DLG1: variants seen among roughly 807,000 people sequenced by gnomAD.
DLG1 encodes disks large homolog 1.
A neutral mutation model predicts 123.4 loss-of-function variants in DLG1; 42 were observed. That is an observed-to-expected ratio of 0.34 (90% CI 0.27 to 0.44). The LOEUF is 0.44. Ranked by LOEUF, DLG1 falls within the 20% of genes least tolerant of loss-of-function variation. The pLI is 1.00. For missense variants in DLG1, 942 were observed against 1,082.6 expected (o/e 0.87, Z 1.82); for synonymous variants, 317 against 356.2 (o/e 0.89, Z 1.24).
chr3:197,284,543 G>A (rs1468738523), intron 3 of DLG1, among the ~76,000 whole-genome samples: 3 of 151,960 alleles, frequency 2.0e-5, no homozygotes, highest in Non-Finnish European at 4.4e-5. Context: ...AGCACAGAGG[G>A]GTAGTCAAGA....
intron 5 of DLG1, among the ~76,000 whole-genome samples, chr3:197,157,888 C>T (rs114896684): frequency 1.4e-3 from 206 of 152,228 alleles, no homozygotes; most frequent in Admixed American, 2.9e-3. Flanking sequence ...ATGCCATATA[C>T]AATTATCAAC....
intron 4 of DLG1, among the ~76,000 whole-genome samples, chr3:197,232,826 C>T (rs979580766): frequency 6.6e-6 from 1 of 151,008 alleles, no homozygotes; most frequent in African/African-American, 2.4e-5. Flanking sequence ...AGAAAAAGCA[C>T]GTGACAAAAT....
chr3:197,194,912 G>A (rs1342052365), intron 4 of DLG1, among the ~76,000 whole-genome samples: 1 of 152,052 alleles, frequency 6.6e-6, no homozygotes, highest in Non-Finnish European at 1.5e-5. Flanking sequence ...AAAAGCCAAA[G>A]TTAGGCACCT....
chr3:197,167,135 G>C (rs1169670466), intron 5 of DLG1, among the ~76,000 whole-genome samples: 1 of 151,912 alleles, frequency 6.6e-6, no homozygotes, highest in Non-Finnish European at 1.5e-5. Context: ...AACATCCACT[G>C]AATAAAATAG....
intron 5 of DLG1, among the ~76,000 whole-genome samples, chr3:197,189,974 T>C (rs1343064022): frequency 6.6e-6 from 1 of 152,196 alleles, no homozygotes; most frequent in Non-Finnish European, 1.5e-5. Flanking sequence ...TAAGCCTCTA[T>C]AAAATATTTC....
At chr3:197,051,812 T>C in intron 23 of DLG1, 144 bp from the exon 24 acceptor site, 3 of 567,266 alleles carry the variant, frequency 5.3e-6, no homozygotes, top group Non-Finnish European at 9.1e-6. Context: ...AAAACTTGAG[T>C]CATTCTGGTC....
At chr3:197,202,120 G>A (rs1561428997) in intron 4 of DLG1, among the ~76,000 whole-genome samples, 1 of 152,084 alleles carries the variant, frequency 6.6e-6, no homozygotes, top group Non-Finnish European at 1.5e-5. Context: ...TAGCAAACCT[G>A]CACTTGTACC....
intron 15 of DLG1, among the ~76,000 whole-genome samples, chr3:197,088,431 G>A (rs939360689): frequency 5.3e-5 from 8 of 152,154 alleles, no homozygotes; most frequent in Admixed American, 1.3e-4. Flanking sequence ...CTCTACTGGG[G>A]AGAAGGCAAA....
At chr3:197,110,363 C>G (rs966650426) in intron 13 of DLG1, among the ~76,000 whole-genome samples, 1 of 152,148 alleles carries the variant, frequency 6.6e-6, no homozygotes, top group Non-Finnish European at 1.5e-5. Context: ...ATTTCTAACT[C>G]TTTATTGATA....
chr3:197,161,497 T>A (rs1024774263), intron 5 of DLG1: 2 of 470,000 alleles, frequency 4.3e-6, no homozygotes, highest in African/African-American at 4.1e-5. Flanking sequence ...ATCCCAAATG[T>A]TTAAGTCCCT....
chr3:197,138,539 A>T, intron 8 of DLG1, 148 bp from the exon 9 acceptor site: 1 of 318,562 alleles, frequency 3.1e-6, no homozygotes, highest in Non-Finnish European at 5.2e-6. Context: ...AAATGAAGAA[A>T]GTATATCAAA....
rs1763045512 is a variant in DLG1, at chr3:197,269,513, G to T, written c.318+13166C>A. Among the ~76,000 whole-genome samples, 2 of 151,984 alleles carry T rather than the reference G, an allele frequency of 1.3e-5. 1 individual carries two copies. The highest frequency in any genetic ancestry group is 4.1e-4 in the South Asian group (2 of 4,820). On this transcript the variant is annotated intron_variant, in intron 4 of 24. Coordinates refer to ENST00000667157, the MANE Select transcript of DLG1 (RefSeq NM_001366207.1). ...TTATTGCAGTATTTTCCTTTGTCTA[G>T]GTAACAAGTCCAATTGCCAAGAAAG...
At chr3:197,146,685 C>A (rs570833853) in intron 6 of DLG1, among the ~76,000 whole-genome samples, 2 of 152,204 alleles carry the variant, frequency 1.3e-5, no homozygotes, top group South Asian at 4.1e-4. Flanking sequence ...AGACCTGAAA[C>A]CATTAAAATT....
intron 11 of DLG1, among the ~76,000 whole-genome samples, chr3:197,124,822 T>C (rs1340910731): frequency 6.6e-6 from 1 of 152,084 alleles, no homozygotes; most frequent in African/African-American, 2.4e-5. Flanking sequence ...AAAGGAGCAG[T>C]GTTAGAGAGG....
chr3:197,242,004 T>C (rs939331654), intron 4 of DLG1, among the ~76,000 whole-genome samples: 2 of 152,030 alleles, frequency 1.3e-5, no homozygotes, highest in African/African-American at 4.8e-5. Flanking sequence ...AGTTCTCCAA[T>C]TAAAAGGCAA....
In DLG1 at chr3:197,283,284, C is replaced by T. The variant is rs187274967; in HGVS notation, c.152-439G>A. On this transcript the variant is annotated intron_variant, in intron 3 of 24. Transcript: ENST00000667157. ...GAATTCTACAGATAGGAGTTATTAC[C>T]GTTCACCACCAATATCTAAGCTGGG... 4.0e-3 allele frequency among the ~76,000 whole-genome samples: 612 copies of T among 152,116 alleles called. 2 individuals carry two copies. Among genetic ancestry groups the T allele is most frequent in the Non-Finnish European group, 5.4e-3 (365 of 67,982 alleles).
At chr3:197,183,883 A>C in intron 5 of DLG1, 1 of 1,489,712 alleles carries the variant, frequency 6.7e-7, no homozygotes, top group Non-Finnish European at 9.0e-7. Context: ...GATCGGTAAA[A>C]ACTGCAGCTA....
intron 4 of DLG1, among the ~76,000 whole-genome samples, chr3:197,280,509 C>G (rs1278820579): frequency 2.0e-5 from 3 of 152,166 alleles, no homozygotes; most frequent in Non-Finnish European, 4.4e-5. Flanking sequence ...CAGATACCCA[C>G]TAATGGGATT....
chr3:197,250,829 A>C (rs1754030167), intron 4 of DLG1, among the ~76,000 whole-genome samples: 1 of 151,770 alleles, frequency 6.6e-6, no homozygotes, highest in Non-Finnish European at 1.5e-5. Context: ...CCCTGTCTCT[A>C]CCAAAAATAC....
Sources: allele counts gnomAD v4.1 joint callset (sites outside exome capture counted in the v4.1 genomes callset), GRCh38; gene constraint gnomAD v4.1.1; transcripts MANE v1.5; gene names NCBI Gene and HGNC (gene_info 2026-07-23, HGNC 2026-07-21).